Variants in ATP8A2 observed in about 807,000 individuals in gnomAD.
The protein encoded by ATP8A2 is phospholipid-transporting ATPase IB.
Under a neutral mutation model 165.6 loss-of-function variants are expected in ATP8A2, and 100 were observed. That is an observed-to-expected ratio of 0.60 (90% CI 0.51 to 0.71). The LOEUF is 0.71. Among genes scored for constraint, ATP8A2 ranks in the 30% least tolerant of loss-of-function variants. ATP8A2 has a pLI of 0.00. For synonymous variants in ATP8A2, 543 were observed against 548.8 expected, an observed-to-expected ratio of 0.99 and a Z score of 0.15; for missense variants, 1,227 against 1,479.5, an observed-to-expected ratio of 0.83 and a Z score of 2.80.
intron 35 of ATP8A2, among the ~76,000 whole-genome samples, chr13:25,976,658 T>C (rs913991805): frequency 2.6e-5 from 4 of 151,992 alleles, no homozygotes; most frequent in African/African-American, 9.7e-5. Flanking sequence ...TTTAGATCCC[T>C]ACATGTAGGA....
At chr13:25,963,410 A>AG (rs1195710099) in intron 34 of ATP8A2, among the ~76,000 whole-genome samples, 12 of 140,880 alleles carry the variant, frequency 8.5e-5, no homozygotes, top group Admixed American at 5.7e-4. Context: ...AAAAAAAAAA[A>AG]GAAAAGAAAA....
At chr13:25,716,370 G>A (rs1479501249) in intron 25 of ATP8A2, among the ~76,000 whole-genome samples, 1 of 151,956 alleles carries the variant, frequency 6.6e-6, no homozygotes, top group Non-Finnish European at 1.5e-5. Context: ...TTGCTTATGG[G>A]GTCATATCTA....
At chr13:25,467,725 G>A (rs1271849814) in intron 1 of ATP8A2, among the ~76,000 whole-genome samples, 1 of 151,956 alleles carries the variant, frequency 6.6e-6, no homozygotes, top group Non-Finnish European at 1.5e-5. Context: ...CTAATTTTTT[G>A]TATTTTTAGT....
At chr13:25,894,416 A>G (rs182170958) in intron 33 of ATP8A2, among the ~76,000 whole-genome samples, 94 of 152,230 alleles carry the variant, frequency 6.2e-4, no homozygotes, top group African/African-American at 2.0e-3. Context: ...TACCAGTACC[A>G]TTGCTGTTTT....
At chr13:25,993,650 G>A (rs1463303192) in intron 35 of ATP8A2, among the ~76,000 whole-genome samples, 2 of 152,104 alleles carry the variant, frequency 1.3e-5, no homozygotes, top group Admixed American at 6.5e-5. Flanking sequence ...AAAATCAGAT[G>A]GGTATGTTTA....
At chr13:25,736,228 G>A (rs537045474) in intron 25 of ATP8A2, among the ~76,000 whole-genome samples, 27 of 152,284 alleles carry the variant, frequency 1.8e-4, no homozygotes, top group Admixed American at 1.1e-3. Flanking sequence ...CCTTCATTAT[G>A]TGATGCGTGA....
At chr13:25,940,848 G>A (rs986198699) in intron 33 of ATP8A2, among the ~76,000 whole-genome samples, 3 of 152,186 alleles carry the variant, frequency 2.0e-5, no homozygotes, top group Non-Finnish European at 2.9e-5. Context: ...GCCAAGCTCC[G>A]TGACCCATCG....
intron 1 of ATP8A2, among the ~76,000 whole-genome samples, chr13:25,449,361 C>T (rs561011492): frequency 1.5e-4 from 23 of 152,194 alleles, no homozygotes; most frequent in Non-Finnish European, 2.5e-4. Flanking sequence ...AGTTTAGAAA[C>T]GTGTTGTTTA....
At chr13:25,738,864 A>T (rs1331233325) in intron 25 of ATP8A2, among the ~76,000 whole-genome samples, 1 of 152,270 alleles carries the variant, frequency 6.6e-6, no homozygotes, top group East Asian at 1.9e-4. Flanking sequence ...TTTATTTTCT[A>T]AAAGAAACAT....
intron 15 of ATP8A2, 97 bp downstream of exon 15, chr13:25,559,862 C>CT (rs2039089819): frequency 1.1e-6 from 1 of 928,120 alleles, no homozygotes; most frequent in African/African-American, 1.7e-5. Flanking sequence ...CAGCCTCACT[C>CT]TATTGCACAG....
intron 24 of ATP8A2, among the ~76,000 whole-genome samples, chr13:25,619,640 T>A (rs1043141620): frequency 3.9e-5 from 6 of 152,118 alleles, no homozygotes; most frequent in African/African-American, 1.4e-4. Flanking sequence ...ATGAAAAATA[T>A]CACAACAAAT....
intron 33 of ATP8A2, among the ~76,000 whole-genome samples, chr13:25,928,336 T>G (rs1351377500): frequency 6.6e-6 from 1 of 152,250 alleles, no homozygotes; most frequent in Non-Finnish European, 1.5e-5. Context: ...AGGAATCATT[T>G]ATTCCGTTGA....
intron 23 of ATP8A2, among the ~76,000 whole-genome samples, chr13:25,585,860 T>C (rs1179769663): frequency 2.0e-5 from 3 of 152,210 alleles, no homozygotes; most frequent in Non-Finnish European, 4.4e-5. Context: ...CTTGATTACC[T>C]GCAGCTAACA....
intron 26 of ATP8A2, among the ~76,000 whole-genome samples, chr13:25,773,742 CTATGTATGTGTGTCTG>C (rs1167900098): frequency 6.6e-6 from 1 of 151,782 alleles, no homozygotes; most frequent in Non-Finnish European, 1.5e-5. Context: ...GTATGAGTAT[CTATGTATGTGTGTCTG>C]TGTGTATGTG....
intron 9 of ATP8A2, 75 bp downstream of exon 9, chr13:25,542,121 G>T: frequency 1.4e-6 from 2 of 1,402,842 alleles, no homozygotes; most frequent in Non-Finnish European, 2.0e-6. Context: ...AAATATGTTT[G>T]TTTCCTAGTT....
chr13:25,818,608 C>T (rs1341715637), intron 27 of ATP8A2, among the ~76,000 whole-genome samples: 1 of 152,094 alleles, frequency 6.6e-6, no homozygotes, highest in Admixed American at 6.6e-5. Flanking sequence ...TAGAGTATTG[C>T]AAGGTTCTTG....
chr13:25,676,066 G>GA (rs200085989), intron 24 of ATP8A2, among the ~76,000 whole-genome samples: 5 of 150,626 alleles, frequency 3.3e-5, no homozygotes, highest in African/African-American at 1.2e-4. Context: ...CTTAATAAAA[G>GA]AAAAAAAAAT....
chr13:25,590,618 T>TCC (rs2040045622), intron 24 of ATP8A2, among the ~76,000 whole-genome samples: 1 of 152,072 alleles, frequency 6.6e-6, no homozygotes, highest in South Asian at 2.1e-4. Context: ...ACAATGAGAT[T>TCC]CCACTTGTCA....
chr13:25,461,135 A>G (rs2035492508), intron 1 of ATP8A2, among the ~76,000 whole-genome samples: 1 of 152,250 alleles, frequency 6.6e-6, no homozygotes, highest in African/African-American at 2.4e-5. Context: ...TGCAGTAATA[A>G]GAAATCCTGA....
Sources: allele counts gnomAD v4.1 joint callset (sites outside exome capture counted in the v4.1 genomes callset), GRCh38; gene constraint gnomAD v4.1.1; transcripts MANE v1.5; gene names NCBI Gene and HGNC (gene_info 2026-07-23, HGNC 2026-07-21).